Variants in RIT2 observed in about 807,000 individuals in gnomAD.
RIT2 encodes Ras like without CAAX 2.
In RIT2, 24 loss-of-function variants were observed where a neutral mutation model predicts 23.7. The observed-to-expected ratio is 1.01, with a 90% CI of 0.73 to 1.43. RIT2 has a LOEUF of 1.43. Ranked by LOEUF, RIT2 falls within the 40% of genes most tolerant of loss-of-function variation. The pLI, the probability that RIT2 is intolerant of heterozygous loss-of-function variation, is 0.00. For synonymous variants in RIT2, 107 were observed against 91.1 expected (o/e 1.17, Z -0.99); for missense variants, 236 against 266.9 (o/e 0.88, Z 0.81).
intron 1 of RIT2, among the ~76,000 whole-genome samples, chr18:43,093,913 A>G (rs902655503): frequency 1.3e-5 from 2 of 152,064 alleles, no homozygotes; most frequent in Non-Finnish European, 2.9e-5. Flanking sequence ...TGGATTGCAT[A>G]AGAAACATAT....
chr18:42,892,147 C>T (rs1314224562), intron 4 of RIT2, among the ~76,000 whole-genome samples: 5 of 152,140 alleles, frequency 3.3e-5, no homozygotes, highest in Non-Finnish European at 7.3e-5. Flanking sequence ...GGTTCATGCT[C>T]GCCTCCTCCA....
intron 4 of RIT2, among the ~76,000 whole-genome samples, chr18:42,887,556 G>C (rs59916361): frequency 0.026 from 3,915 of 152,264 alleles, 165 homozygotes; most frequent in African/African-American, 0.087. Context: ...TGGTGGAAGA[G>C]GGGGGAGGAT....
intron 4 of RIT2, among the ~76,000 whole-genome samples, chr18:42,899,012 A>G (rs1304304907): frequency 6.6e-6 from 1 of 152,118 alleles, no homozygotes; most frequent in African/African-American, 2.4e-5. Context: ...TCATTGTGGT[A>G]ATTAATACTT....
In RIT2 at chr18:42,816,504, C is replaced by T. The variant is rs537520024; in HGVS notation, c.427-72784G>A. Among the ~76,000 whole-genome samples, 288 of 152,252 alleles carry T rather than the reference C, an allele frequency of 1.9e-3. 2 individuals are homozygous for T. In the South Asian group the frequency reaches 0.022, roughly 12 times the overall value. On this transcript the variant is annotated intron_variant, in intron 4 of 4. Transcript: ENST00000326695. ...GAGTCAAGAGATGTATTATCTAGTCCTTTCTCTGCCAATAACTGCCTGTGA... is the reference window on the plus strand; with the variant it reads ...GAGTCAAGAGATGTATTATCTAGTCTTTTCTCTGCCAATAACTGCCTGTGA...
chr18:42,981,675 A>G (rs961700478), intron 2 of RIT2, among the ~76,000 whole-genome samples: 1 of 152,052 alleles, frequency 6.6e-6, no homozygotes, highest in Non-Finnish European at 1.5e-5. Flanking sequence ...AAAAAATTAA[A>G]AATATTAAAA....
intron 3 of RIT2, among the ~76,000 whole-genome samples, chr18:42,946,891 C>T (rs1321619680): frequency 6.6e-6 from 1 of 151,974 alleles, no homozygotes; most frequent in African/African-American, 2.4e-5. Flanking sequence ...ATTACCATAC[C>T]TAAGCTTTAG....
intron 4 of RIT2, among the ~76,000 whole-genome samples, chr18:42,751,754 TAAC>T (rs1444948585): frequency 2.0e-5 from 3 of 152,002 alleles, no homozygotes; most frequent in African/African-American, 7.2e-5. Flanking sequence ...AATGGAATAA[TAAC>T]ATTAATTTTC....
At chr18:42,972,594 T>C (rs2144202236) in intron 3 of RIT2, among the ~76,000 whole-genome samples, 1 of 152,054 alleles carries the variant, frequency 6.6e-6, no homozygotes, top group East Asian at 1.9e-4. Context: ...AATCATTACA[T>C]GTATAGTTAA....
At chr18:42,762,880 C>A (rs1913334459) in intron 4 of RIT2, among the ~76,000 whole-genome samples, 1 of 152,142 alleles carries the variant, frequency 6.6e-6, no homozygotes, top group Admixed American at 6.5e-5. Flanking sequence ...TTCAGATGAA[C>A]ATTAGCAAGA....
chr18:43,038,650 T>A (rs1216456970), intron 1 of RIT2, among the ~76,000 whole-genome samples: 1 of 152,014 alleles, frequency 6.6e-6, no homozygotes, highest in Admixed American at 6.6e-5. Flanking sequence ...ATTCTGTGTT[T>A]AAATTCATCT....
chr18:43,006,335 G>A (rs909950063), intron 2 of RIT2, among the ~76,000 whole-genome samples: 1 of 151,444 alleles, frequency 6.6e-6, no homozygotes, highest in African/African-American at 2.4e-5. Flanking sequence ...AGAAGAAAGA[G>A]GAGGAAGAAG....
At chr18:42,761,015 T>C (rs912125950) in intron 4 of RIT2, among the ~76,000 whole-genome samples, 2 of 152,206 alleles carry the variant, frequency 1.3e-5, no homozygotes, top group African/African-American at 4.8e-5. Flanking sequence ...CCTAAAAGCA[T>C]TTTGCTAAAA....
At chr18:42,837,141 T>TTTC (rs1906627642) in intron 4 of RIT2, among the ~76,000 whole-genome samples, 2 of 142,152 alleles carry the variant, frequency 1.4e-5, no homozygotes, top group South Asian at 4.4e-4. Flanking sequence ...AAATTTCTTT[T>TTTC]TTTTTCTTTT....
intron 4 of RIT2, among the ~76,000 whole-genome samples, chr18:42,891,456 C>T (rs669924): frequency 0.31 from 47,677 of 151,968 alleles, 9,286 homozygotes; most frequent in African/African-American, 0.55. Flanking sequence ...GAAAAACCTG[C>T]ACATAGATTC....
intron 4 of RIT2, among the ~76,000 whole-genome samples, chr18:42,906,022 GTA>G (rs1328715126): frequency 9.0e-4 from 9 of 10,040 alleles, no homozygotes; most frequent in African/African-American, 2.5e-3. Context: ...ATATATATAT[GTA>G]TATATATATA....
intron 1 of RIT2, among the ~76,000 whole-genome samples, chr18:43,100,888 C>T (rs1182984702): frequency 6.6e-6 from 1 of 151,976 alleles, no homozygotes; most frequent in Non-Finnish European, 1.5e-5. Context: ...CCATCACTGC[C>T]TTCTCCCTTC....
chr18:42,852,363 G>T (rs145312864), intron 4 of RIT2, among the ~76,000 whole-genome samples: 5 of 152,240 alleles, frequency 3.3e-5, no homozygotes, highest in Non-Finnish European at 7.4e-5. Flanking sequence ...TTAGCATATA[G>T]GGTATCACAG....
At chr18:42,940,269 T>TATATATATATATATATATGC (rs1555648056) in intron 3 of RIT2, among the ~76,000 whole-genome samples, 11 of 137,978 alleles carry the variant, frequency 8.0e-5, no homozygotes, top group African/African-American at 2.7e-4. Context: ...TATATATATA[T>TATATATATATATATATATGC]GCACACACAC....
chr18:42,827,164 G>T (rs1019997709), intron 4 of RIT2, among the ~76,000 whole-genome samples: 4 of 152,136 alleles, frequency 2.6e-5, no homozygotes, highest in Admixed American at 2.0e-4. Context: ...GTGCAAGAAA[G>T]AACAGAATAC....
Sources: gnomAD v4.1 joint callset for allele counts (sites outside exome capture counted in the v4.1 genomes callset) on GRCh38, gnomAD v4.1.1 for gene constraint, MANE v1.5 for transcripts, NCBI Gene and HGNC (gene_info 2026-07-23, HGNC 2026-07-21) for gene names.